WWTR1: variants seen among roughly 807,000 people sequenced by gnomAD.
The protein encoded by WWTR1 is WW domain containing transcription regulator 1, also known as WW domain-containing transcription regulator protein 1.
WWTR1 carries 13 observed loss-of-function variants against 40.1 expected under a neutral mutation model. The observed-to-expected ratio is 0.32, with a 90% confidence interval of 0.21 to 0.52. WWTR1 has a LOEUF of 0.52. Among genes scored for constraint, WWTR1 ranks in the 20% least tolerant of loss-of-function variants. WWTR1 has a pLI of 0.97. For missense variants in WWTR1, 436 were observed against 523.1 expected, an observed-to-expected ratio of 0.83 and a Z score of 1.63; for synonymous variants, 230 against 210.1, an observed-to-expected ratio of 1.09 and a Z score of -0.82.
At position 149,670,561 on chromosome 3, in the gene WWTR1, G is replaced by T. The variant is rs545168810; in HGVS notation, c.-107-670C>A. ...CGGGAGGATGAGGCAGGAGAATGGC[G>T]TGAACCCGGGAGGCGGAGCTTGCAG... On this transcript the variant is annotated intron_variant, in intron 1 of 7. Transcript: ENST00000465804. Among the ~76,000 whole-genome samples the T allele has an allele frequency of 1.9e-4, 29 of 151,404 alleles. No homozygotes were observed. In the South Asian group the frequency reaches 5.6e-3, roughly 29 times the overall value.
chr3:149,548,556 A>G (rs1407330443), intron 3 of WWTR1, among the ~76,000 whole-genome samples: 2 of 152,220 alleles, frequency 1.3e-5, no homozygotes, highest in Non-Finnish European at 2.9e-5. Flanking sequence ...TACGAAAACC[A>G]TAGCGGACAG....
At chr3:149,531,146 G>A (rs1054759740) in intron 4 of WWTR1, among the ~76,000 whole-genome samples, 5 of 152,272 alleles carry the variant, frequency 3.3e-5, no homozygotes, top group Admixed American at 3.3e-4. Context: ...TGTTGCCCAT[G>A]CTGGTCTCGA....
chr3:149,709,083 C>T (rs1715402717), intron 5 of WWTR1, among the ~76,000 whole-genome samples: 1 of 152,282 alleles, frequency 6.6e-6, no homozygotes, highest in Non-Finnish European at 1.5e-5. Flanking sequence ...TCAAGCGATC[C>T]TCCCACCCCA....
rs1279543836 is a variant in WWTR1, at chr3:149,527,957, A to G, written c.784T>C (p.Cys262Arg). Residue 262 changes from cysteine to arginine, a missense_variant, in exon 5 of 7, where the codon TGT (cysteine) becomes CGT (arginine). Coordinates refer to ENST00000360632, the MANE Select transcript of WWTR1 (RefSeq NM_015472.6). ...EELMRQEAALCRQLPMEAETL... is the reference protein window; with the variant it reads ...EELMRQEAALRRQLPMEAETL... ...TCAGCTTCCATGGGGAGCTGTCGAC[A>G]GAGGGCAGCTTCCTACAGTCAGAAT... The G allele has an allele frequency of 1.2e-6, 2 of 1,613,954 alleles. No individual in the cohort carries two copies. The highest frequency in any genetic ancestry group is 2.7e-5 in the African/African-American group (2 of 74,936).
chr3:149,615,004 G>A (rs1739904888), intron 2 of WWTR1, among the ~76,000 whole-genome samples: 1 of 152,042 alleles, frequency 6.6e-6, no homozygotes, highest in Non-Finnish European at 1.5e-5. Flanking sequence ...AGATAGCTTA[G>A]GTGATGGTTA....
intron 2 of WWTR1, among the ~76,000 whole-genome samples, chr3:149,589,839 C>A (rs1330861961): frequency 6.6e-6 from 1 of 151,964 alleles, no homozygotes; most frequent in African/African-American, 2.4e-5. Context: ...GGGTTTACTT[C>A]GACAAATCAT....
chr3:149,638,221 A>AGAAAG (rs1250235958), intron 2 of WWTR1, among the ~76,000 whole-genome samples: 2 of 152,204 alleles, frequency 1.3e-5, no homozygotes, highest in Admixed American at 1.3e-4. Flanking sequence ...TGTCAAAAAA[A>AGAAAG]GAAAGAAAAG....
chr3:149,714,163 C>T (rs920264552), intron 5 of WWTR1, among the ~76,000 whole-genome samples: 1 of 152,172 alleles, frequency 6.6e-6, no homozygotes, highest in Non-Finnish European at 1.5e-5. Context: ...ATGAAGCCAG[C>T]GGGAGCCGGG....
chr3:149,715,550 T>C (rs780082445), intron 5 of WWTR1, among the ~76,000 whole-genome samples: 8 of 152,080 alleles, frequency 5.3e-5, no homozygotes, highest in Non-Finnish European at 1.2e-4. Context: ...CAGTCTCCCT[T>C]AGAGGTGTGA....
intron 5 of WWTR1, among the ~76,000 whole-genome samples, chr3:149,527,239 C>T (rs1336306727): frequency 6.6e-6 from 1 of 151,258 alleles, no homozygotes; most frequent in African/African-American, 2.4e-5. Flanking sequence ...ACTGCAACCT[C>T]CGCCTCCCAG....
intron 2 of WWTR1, among the ~76,000 whole-genome samples, chr3:149,591,303 G>A (rs909840647): frequency 1.3e-5 from 2 of 152,146 alleles, no homozygotes; most frequent in Admixed American, 6.5e-5. Flanking sequence ...GATTCTTAAG[G>A]CCCTGCCACT....
At position 149,667,301 on chromosome 3, in the gene WWTR1, C is replaced by A. The variant is rs140243805; in HGVS notation, c.-4+2487G>T. Reference sequence around the variant, plus strand: ...GTGGCTCACGCCTGTAATCCCAGCACTTTGGGAGGCTGAGGGGGGGTGGAT... The same window carrying A: ...GTGGCTCACGCCTGTAATCCCAGCAATTTGGGAGGCTGAGGGGGGGTGGAT... On this transcript the variant is annotated intron_variant, in intron 2 of 7. Transcript: ENST00000465804. Among the ~76,000 whole-genome samples the A allele has an allele frequency of 3.8e-3, 553 of 145,992 alleles. 5 individuals carry two copies. The highest frequency in any genetic ancestry group is 0.013 in the African/African-American group (524 of 39,930).
Position 149,657,149 on chromosome 3 carries a change from A to G in WWTR1, c.158T>C (p.Phe53Ser). 1.2e-6 allele frequency: 2 copies of G among 1,604,296 alleles called. No individual in the cohort carries two copies. Among genetic ancestry groups the G allele is most frequent in the Non-Finnish European group, 1.7e-6 (2 of 1,176,486 alleles). The change falls in exon 2 of 7, where the codon TTT becomes TCT. Residue 53 changes from phenylalanine to serine, a missense_variant. Transcript: ENST00000360632. ...WRKKILPESF[F>S]KEPDSGSHSR... ...GTGCGAGCCCGAATCAGGCTCCTTAAAGAAAGACTCCGGCAGGATCTTCTT... is the reference window on the plus strand; with the variant it reads ...GTGCGAGCCCGAATCAGGCTCCTTAGAGAAAGACTCCGGCAGGATCTTCTT...
rs1175712524 is a variant in WWTR1 at position 149,550,827 on chromosome 3, T to C, written c.569-8290A>G. ...TGATTTAAAAAGAAAATTTCAAAGA[T>C]GGCTTAACTTCCGTATCAGTTTTCA... is the stretch of plus-strand genomic sequence containing the variant. On this transcript the variant is annotated intron_variant, in intron 3 of 6. Transcript: ENST00000360632. Among the ~76,000 whole-genome samples the C allele has an allele frequency of 2.3e-4, 34 of 146,104 alleles. 4 individuals carry two copies. The highest frequency in any genetic ancestry group is 2.1e-3 in the Admixed American group (31 of 14,624).
At chr3:149,571,043 G>A (rs2107994244) in intron 3 of WWTR1, among the ~76,000 whole-genome samples, 1 of 152,116 alleles carries the variant, frequency 6.6e-6, no homozygotes, top group South Asian at 2.1e-4. Context: ...CTATATGTAT[G>A]GACAGGCAGG....
At chr3:149,524,045 C>G (rs1735177321) in intron 6 of WWTR1, among the ~76,000 whole-genome samples, 1 of 152,218 alleles carries the variant, frequency 6.6e-6, no homozygotes, top group East Asian at 1.9e-4. Flanking sequence ...GCACTTTGAG[C>G]TGGTCTCTGT....
At chr3:149,584,711 C>G (rs1347124968) in intron 2 of WWTR1, among the ~76,000 whole-genome samples, 4 of 152,108 alleles carry the variant, frequency 2.6e-5, no homozygotes, top group African/African-American at 9.7e-5. Context: ...CATCTTCAGT[C>G]GAAAATATCA....
chr3:149,589,199 C>T (rs572884321), intron 2 of WWTR1, among the ~76,000 whole-genome samples: 51 of 152,278 alleles, frequency 3.3e-4, no homozygotes, highest in Middle Eastern at 3.4e-3. Flanking sequence ...AGCTGCAATA[C>T]TGTTATTGCT....
At chr3:149,708,043 C>T (rs1715375025), upstream of WWTR1, among the ~76,000 whole-genome samples, 1 of 151,974 alleles carries the variant, frequency 6.6e-6, no homozygotes, top group South Asian at 2.1e-4. Flanking sequence ...CAGTAAAGGG[C>T]TACTGCTTTG....
Sources: gnomAD v4.1 joint callset for allele counts (sites outside exome capture counted in the v4.1 genomes callset) on GRCh38, gnomAD v4.1.1 for gene constraint, MANE v1.5 for transcripts, NCBI Gene and HGNC (gene_info 2026-07-23, HGNC 2026-07-21) for gene names.